SLC22A23: variants seen among roughly 807,000 people sequenced by gnomAD.
SLC22A23 encodes the protein solute carrier family 22 member 23, also known as ion transporter protein.
A neutral mutation model predicts 61.0 loss-of-function variants in SLC22A23; 26 were observed. That is an observed-to-expected ratio of 0.43 (90% CI 0.31 to 0.59). The LOEUF is 0.59. SLC22A23 is among the 20% of genes least tolerant of loss of function. The pLI, the probability that SLC22A23 is intolerant of heterozygous loss-of-function variation, is 0.11. For missense variants in SLC22A23, 796 were observed against 934.7 expected (o/e 0.85, Z 1.94); for synonymous variants, 430 against 413.9 (o/e 1.04, Z -0.47).
rs530333694 is a variant in SLC22A23, at chr6:3,322,104, G to A, written c.1082+1730C>T. 5.3e-5 allele frequency among the ~76,000 whole-genome samples: 8 copies of A among 152,324 alleles called. No individual in the cohort carries two copies. Among genetic ancestry groups the A allele is most frequent in the Non-Finnish European group, 1.0e-4 (7 of 68,022 alleles). On this transcript the variant is annotated intron_variant, in intron 4 of 9. Coordinates refer to ENST00000406686, the MANE Select transcript of SLC22A23 (RefSeq NM_015482.2). This position sits in a 1 kb window ranked among gnomAD's most constrained non-coding sequence, Gnocchi z 4.1. ...AGGCAGGGGAAGACAGGAGCCAGGTGTGGCAAGAGTTGGCCGCTTCAGGTC... is the reference window on the plus strand; with the variant it reads ...AGGCAGGGGAAGACAGGAGCCAGGTATGGCAAGAGTTGGCCGCTTCAGGTC...
intron 1 of SLC22A23, among the ~76,000 whole-genome samples, chr6:3,421,844 T>A (rs1328460239): frequency 6.6e-6 from 1 of 152,128 alleles, no homozygotes; most frequent in East Asian, 1.9e-4. Flanking sequence ...ATCCTATAAA[T>A]CAGGCCTACA....
At chr6:3,273,471 A>G (rs1326611829) in intron 9 of SLC22A23, 59 bp from the exon 10 acceptor site, 11 of 1,583,776 alleles carry the variant, frequency 6.9e-6, no homozygotes, top group African/African-American at 2.7e-5. Flanking sequence ...GGATCCCGGG[A>G]AAGCTCGGGG....
intron 3 of SLC22A23, among the ~76,000 whole-genome samples, chr6:3,326,291 TG>T (rs1763276212): frequency 6.6e-6 from 1 of 152,184 alleles, no homozygotes; most frequent in Non-Finnish European, 1.5e-5. Context: ...TGTAAACAAG[TG>T]GTCGGCGTGG....
intron 3 of SLC22A23, among the ~76,000 whole-genome samples, chr6:3,379,286 T>C (rs1766802314): frequency 6.6e-6 from 1 of 152,188 alleles, no homozygotes; most frequent in Admixed American, 6.5e-5. Context: ...GCAAAAGTAG[T>C]TTAAAAACCT....
intron 1 of SLC22A23, among the ~76,000 whole-genome samples, chr6:3,447,040 A>G (rs1771929663): frequency 6.6e-6 from 1 of 152,154 alleles, no homozygotes; most frequent in Non-Finnish European, 1.5e-5. Flanking sequence ...GGTCTTTTCA[A>G]AAATACGAAC....
chr6:3,396,875 G>A (rs1427492361), intron 3 of SLC22A23, among the ~76,000 whole-genome samples: 4 of 152,150 alleles, frequency 2.6e-5, no homozygotes, highest in African/African-American at 9.7e-5. Context: ...AACCCAGGTT[G>A]ATCCGATTCT....
rs112993169 is a variant in SLC22A23 at position 3,397,533 on chromosome 6, A to C, written c.913+12655T>G. On this transcript the variant is annotated intron_variant, in intron 3 of 9. Transcript: ENST00000406686. ...ACTGTAAAATGGGGCTATTTGTGGG[A>C]GCTACTTTACATGGTTACTATGAAA... Among the ~76,000 whole-genome samples the C allele has an allele frequency of 3.4e-3, 514 of 152,272 alleles. 3 individuals are homozygous for C. The highest frequency in any genetic ancestry group is 0.011 in the African/African-American group (473 of 41,550).
At chr6:3,408,867 G>T (rs1422676724) in intron 3 of SLC22A23, among the ~76,000 whole-genome samples, 1 of 152,234 alleles carries the variant, frequency 6.6e-6, no homozygotes, top group African/African-American at 2.4e-5. Flanking sequence ...TGACAAGGAC[G>T]GCTGCCCAGA....
At chr6:3,320,600 C>T (rs757400957) in intron 4 of SLC22A23, among the ~76,000 whole-genome samples, 1 of 152,184 alleles carries the variant, frequency 6.6e-6, no homozygotes, top group Non-Finnish European at 1.5e-5. Context: ...AGCTCACCCC[C>T]TCTCCACAGC....
chr6:3,354,887 G>A (rs1764975726), intron 3 of SLC22A23, among the ~76,000 whole-genome samples: 1 of 152,140 alleles, frequency 6.6e-6, no homozygotes, highest in Non-Finnish European at 1.5e-5. Context: ...AGCCTCATTA[G>A]TTCATGGGTA....
At chr6:3,356,263 TCTGGACTTCTGGCTC>T in intron 3 of SLC22A23, among the ~76,000 whole-genome samples, 1 of 150,968 alleles carries the variant, frequency 6.6e-6, no homozygotes, top group Non-Finnish European at 1.5e-5. Flanking sequence ...GCCCTTGGGA[TCTGGACTTCTGGCTC>T]CTGGAAACAT....
chr6:3,280,512 T>TTTTTTTTTTTTTTTTTCC lies in SLC22A23; in HGVS notation c.1703+3339_1703+3340insGGAAAAAAAAAAAAAAAA, dbSNP rs781526188. On this transcript the variant is annotated intron_variant, in intron 9 of 9. Coordinates refer to ENST00000406686, the MANE Select transcript of SLC22A23 (RefSeq NM_015482.2). Reference sequence around the variant, plus strand: ...CAACTTTTTTTTTTTTTTTTTTTTTTTGAGATGGAGTCTCGCTCTGTCGCC... The same window carrying TTTTTTTTTTTTTTTTTCC: ...CAACTTTTTTTTTTTTTTTTTTTTTTTTTTTTTTTTTTTTTTCCTGAGATGGAGTCTCGCTCTGTCGCC... 1.0e-4 allele frequency among the ~76,000 whole-genome samples: 10 copies of TTTTTTTTTTTTTTTTTCC among 98,326 alleles called. 1 individual carries two copies. Among genetic ancestry groups the TTTTTTTTTTTTTTTTTCC allele is most frequent in the African/African-American group, 3.6e-4 (10 of 28,092 alleles). 64.5% of individuals were successfully genotyped at this position (98,326 alleles called of 152,430 possible).
chr6:3,368,450 C>T (rs906420790), intron 3 of SLC22A23, among the ~76,000 whole-genome samples: 3 of 152,224 alleles, frequency 2.0e-5, no homozygotes, highest in Non-Finnish European at 2.9e-5. Flanking sequence ...GGGAAGGACC[C>T]GTAGCTGCCA....
chr6:3,397,296 A>G (rs1362923390), intron 3 of SLC22A23, among the ~76,000 whole-genome samples: 2 of 152,250 alleles, frequency 1.3e-5, no homozygotes, highest in Non-Finnish European at 2.9e-5. Context: ...ATAGTTCCAT[A>G]GCACTCAGCA....
In SLC22A23 at chr6:3,410,149, T is replaced by C. The variant is rs1769117507; in HGVS notation, c.913+39A>G. 6 of 1,576,260 alleles carry C rather than the reference T, an allele frequency of 3.8e-6. No individual in the cohort carries two copies. Among genetic ancestry groups the C allele is most frequent in the Non-Finnish European group, 5.2e-6 (6 of 1,161,320 alleles). On this transcript the variant is annotated intron_variant, in intron 3 of 9. Transcript: ENST00000406686. This position sits in a 1 kb window ranked among gnomAD's most constrained non-coding sequence, Gnocchi z 5.0. ...ACCTCCCAGGCAACAATACTTTTGC[T>C]AAATTCTTTCAAGACTAGTCGTGAA...
At chr6:3,451,655 T>C (rs1398181365) in intron 1 of SLC22A23, among the ~76,000 whole-genome samples, 1 of 152,236 alleles carries the variant, frequency 6.6e-6, no homozygotes, top group Non-Finnish European at 1.5e-5. Context: ...CCAACTGAGC[T>C]GAGCTGCGGC....
intron 4 of SLC22A23, among the ~76,000 whole-genome samples, chr6:3,319,167 G>A (rs78403771): frequency 0.042 from 6,436 of 152,200 alleles, 194 homozygotes; most frequent in Middle Eastern, 0.082. Context: ...GAATAAGCCC[G>A]TGCTCCTCAG....
chr6:3,317,514 G>GC lies in SLC22A23; in HGVS notation c.1082+6319dup, dbSNP rs922694280. Among the ~76,000 whole-genome samples the GC allele has an allele frequency of 4.6e-5, 7 of 152,006 alleles. No individual in the cohort carries two copies. The highest frequency in any genetic ancestry group is 1.3e-4 in the Admixed American group (2 of 15,256). On this transcript the variant is annotated intron_variant, in intron 4 of 9. Coordinates refer to ENST00000406686, the MANE Select transcript of SLC22A23 (RefSeq NM_015482.2). This position sits in a 1 kb window ranked among gnomAD's most constrained non-coding sequence, Gnocchi z 4.4. ...GTGGTTTGGATCTTGCATCTTCCCC[G>GC]CCAACCCCTCGTTGTTGGCTGTGAC... is the stretch of plus-strand genomic sequence containing the variant.
chr6:3,343,767 C>T (rs1764277351), intron 3 of SLC22A23, among the ~76,000 whole-genome samples: 2 of 152,148 alleles, frequency 1.3e-5, no homozygotes, highest in South Asian at 4.2e-4. Flanking sequence ...AAGAGAAGAG[C>T]CAATCACTGT....
Sources: allele counts gnomAD v4.1 joint callset (sites outside exome capture counted in the v4.1 genomes callset), GRCh38; gene constraint gnomAD v4.1.1; non-coding constraint Gnocchi (gnomAD v3.1); transcripts MANE v1.5; gene names NCBI Gene and HGNC (gene_info 2026-07-23, HGNC 2026-07-21).